ABL2: variants seen among roughly 807,000 people sequenced by gnomAD.
The protein encoded by ABL2 is tyrosine-protein kinase ABL2.
Under a neutral mutation model 107.7 loss-of-function variants are expected in ABL2, and 49 were observed. The ratio of observed to expected loss-of-function variants is 0.45; its 90% CI spans 0.36 to 0.58. The LOEUF (loss-of-function observed/expected upper bound fraction) is 0.58. Among genes scored for constraint, ABL2 ranks in the 20% least tolerant of loss-of-function variants. ABL2 has a pLI of 0.00. For synonymous variants in ABL2, 549 were observed against 548.6 expected, an observed-to-expected ratio of 1.00 and a Z score of -0.01; for missense variants, 1,245 against 1,457.0, an observed-to-expected ratio of 0.85 and a Z score of 2.37.
intron 1 of ABL2, among the ~76,000 whole-genome samples, chr1:179,189,795 G>A (rs1660892733): frequency 6.6e-6 from 1 of 151,858 alleles, no homozygotes; most frequent in South Asian, 2.1e-4. Context: ...AGAGACAGAA[G>A]CGCACAAGCT....
chr1:179,135,661 C>A (rs1359041108), intron 1 of ABL2, among the ~76,000 whole-genome samples: 1 of 149,972 alleles, frequency 6.7e-6, no homozygotes, highest in Non-Finnish European at 1.5e-5. Context: ...GGGGGTCAGC[C>A]CCCCGCCTGG....
At chr1:179,184,476 CAT>C (rs1660569874) in intron 1 of ABL2, 1 of 875,296 alleles carries the variant, frequency 1.1e-6, no homozygotes, top group African/African-American at 1.7e-5. Context: ...TGCAGGTGCT[CAT>C]ATGTTAGGAA....
chr1:179,155,072 G>A (rs1371916199), intron 1 of ABL2, among the ~76,000 whole-genome samples: 1 of 152,198 alleles, frequency 6.6e-6, no homozygotes, highest in Non-Finnish European at 1.5e-5. Flanking sequence ...GGTGTAACCA[G>A]GATTCAAAAC....
chr1:179,144,056 T>C (rs1194126327), intron 1 of ABL2, among the ~76,000 whole-genome samples: 1 of 152,188 alleles, frequency 6.6e-6, no homozygotes, highest in Non-Finnish European at 1.5e-5. Flanking sequence ...GGAACAAAGT[T>C]AAAGAAAATT....
chr1:179,205,808 T>G lies in ABL2; in HGVS notation c.157+23433A>C, dbSNP rs1248646127. On this transcript the variant is annotated intron_variant, in intron 1 of 11. Transcript: ENST00000502732. ...AACTGATTCTAAAGTTAAAATAAAA[T>G]GTAAGCAAACAAGAACAGCCAGGAA... Among the ~76,000 whole-genome samples, 5 of 152,102 alleles carry G rather than the reference T, an allele frequency of 3.3e-5. No homozygotes were observed. The East Asian group carries it at 9.7e-4, about 29-fold the overall frequency.
chr1:179,130,608 G>A (rs1656198076), intron 3 of ABL2, among the ~76,000 whole-genome samples: 1 of 152,090 alleles, frequency 6.6e-6, no homozygotes, highest in South Asian at 2.1e-4. Flanking sequence ...GGTAGGAAAG[G>A]TTTATTTGAT....
At chr1:179,134,362 A>G (rs573242302) in intron 1 of ABL2, among the ~76,000 whole-genome samples, 3 of 152,330 alleles carry the variant, frequency 2.0e-5, no homozygotes, top group Non-Finnish European at 4.4e-5. Flanking sequence ...CCTGATCAAC[A>G]TAGTGAAAAA....
chr1:179,167,725 C>T (rs570261197), intron 1 of ABL2, among the ~76,000 whole-genome samples: 3 of 152,162 alleles, frequency 2.0e-5, no homozygotes, highest in East Asian at 3.9e-4. Context: ...TTTTTAAAAA[C>T]AGAAATACAG....
chr1:179,227,948 G>A (rs1663314038), intron 1 of ABL2, among the ~76,000 whole-genome samples: 1 of 151,448 alleles, frequency 6.6e-6, no homozygotes, highest in South Asian at 2.1e-4. Context: ...CTACTCCGAG[G>A]CTGAGGCAGG....
chr1:179,131,153 A>T, intron 3 of ABL2, 158 bp downstream of exon 3: 1 of 590,204 alleles, frequency 1.7e-6, no homozygotes, highest in Non-Finnish European at 2.8e-6. Flanking sequence ...CATGTTGGCC[A>T]GGTTGGTCTC....
chr1:179,143,542 A>C (rs1657771714), intron 1 of ABL2, among the ~76,000 whole-genome samples: 1 of 152,230 alleles, frequency 6.6e-6, no homozygotes, highest in Non-Finnish European at 1.5e-5. Context: ...GCCAAAGTCA[A>C]AGAAATAGCT....
At chr1:179,183,050 T>C (rs1660471054) in intron 1 of ABL2, among the ~76,000 whole-genome samples, 1 of 152,104 alleles carries the variant, frequency 6.6e-6, no homozygotes, top group East Asian at 1.9e-4. Context: ...TGTCTCACTC[T>C]GTCACCCAGG....
At chr1:179,209,925 A>G (rs1264341606) in intron 1 of ABL2, among the ~76,000 whole-genome samples, 1 of 152,200 alleles carries the variant, frequency 6.6e-6, no homozygotes, top group Non-Finnish European at 1.5e-5. Context: ...CCCAGACTGG[A>G]GTGCAGTGGC....
chr1:179,220,693 T>C (rs1326098890), intron 1 of ABL2, among the ~76,000 whole-genome samples: 2 of 152,258 alleles, frequency 1.3e-5, no homozygotes, highest in Non-Finnish European at 2.9e-5. Context: ...GGCAGGATTT[T>C]AAGCCAGTCT....
chr1:179,210,215 A>G (rs1003776988), intron 1 of ABL2, among the ~76,000 whole-genome samples: 12 of 152,180 alleles, frequency 7.9e-5, no homozygotes, highest in African/African-American at 2.9e-4. Context: ...GATTTTAAAA[A>G]ACAACACCGG....
chr1:179,164,789 A>G (rs979631895), intron 1 of ABL2, among the ~76,000 whole-genome samples: 5 of 152,218 alleles, frequency 3.3e-5, no homozygotes, highest in Admixed American at 2.0e-4. Flanking sequence ...TGCATGAAAT[A>G]TATATGAATG....
rs1047953392 is a variant in ABL2, at chr1:179,112,335, A to G, written c.1625T>C (p.Met542Thr). The change falls in exon 10 of 12, where the codon ATG becomes ACG. Residue 542 changes from methionine to threonine, a missense_variant. By Grantham distance (81) the Met-to-Thr change is moderately conservative. Transcript: ENST00000502732. ...FAETHQAFET[M>T]FHDSSISEEV... Reference sequence around the variant, plus strand: ...TTCAGAAATGCTGGAGTCATGGAACATGGTTTCAAAAGCTTGGTGTGTTTC... The same window carrying G: ...TTCAGAAATGCTGGAGTCATGGAACGTGGTTTCAAAAGCTTGGTGTGTTTC... 2 of 1,613,902 alleles carry G rather than the reference A, an allele frequency of 1.2e-6. No homozygotes were observed. The highest frequency in any genetic ancestry group is 1.1e-5 in the South Asian group (1 of 91,076).
chr1:179,189,070 T>C (rs1472598349), intron 1 of ABL2, among the ~76,000 whole-genome samples: 9 of 152,198 alleles, frequency 5.9e-5, no homozygotes, highest in Non-Finnish European at 1.3e-4. Flanking sequence ...TGCATTCTCA[T>C]GATGTGGAAC....
intron 1 of ABL2, among the ~76,000 whole-genome samples, chr1:179,213,790 TA>T (rs67246415): frequency 0.088 from 13,346 of 151,960 alleles, 607 homozygotes; most frequent in Middle Eastern, 0.11. Flanking sequence ...TAAAAATAAC[TA>T]AAAGAGTCCA....
Sources: gnomAD v4.1 joint callset for allele counts (sites outside exome capture counted in the v4.1 genomes callset) on GRCh38, gnomAD v4.1.1 for gene constraint, MANE v1.5 for transcripts, NCBI Gene and HGNC (gene_info 2026-07-23, HGNC 2026-07-21) for gene names.